The following ITPR1 variants were observed in gnomAD, a reference collection of about 807,000 sequenced individuals.
The protein encoded by ITPR1 is inositol 1,4,5-trisphosphate-gated calcium channel ITPR1.
In ITPR1, 96 loss-of-function variants were observed where a neutral mutation model predicts 318.4. That is an observed-to-expected ratio of 0.30 (90% confidence interval 0.26 to 0.36). The LOEUF is 0.36. Among genes scored for constraint, ITPR1 ranks in the 10% least tolerant of loss-of-function variants. The pLI is 1.00. For synonymous variants in ITPR1, 1,312 were observed against 1,289.9 expected, an observed-to-expected ratio of 1.02 and a Z score of -0.37; for missense variants, 2,440 against 3,460.2, an observed-to-expected ratio of 0.71 and a Z score of 7.40.
intron 5 of ITPR1, among the ~76,000 whole-genome samples, chr3:4,635,553 G>T (rs1208803831): frequency 3.3e-5 from 5 of 151,734 alleles, no homozygotes; most frequent in Non-Finnish European, 5.9e-5. Context: ...CCCTGTGTTA[G>T]CCAGGATGGT....
intron 57 of ITPR1, among the ~76,000 whole-genome samples, chr3:4,813,881 G>C (rs2049102083): frequency 6.6e-6 from 1 of 152,192 alleles, no homozygotes; most frequent in African/African-American, 2.4e-5. Flanking sequence ...GTTTTAGCAA[G>C]ACCCTCTGCA....
intron 44 of ITPR1, among the ~76,000 whole-genome samples, chr3:4,757,887 T>C (rs1395398158): frequency 6.6e-6 from 1 of 152,164 alleles, no homozygotes; most frequent in Non-Finnish European, 1.5e-5. Flanking sequence ...TGGTAGCCAC[T>C]GGCGTTGCTC....
chr3:4,744,025 G>A (rs1160000932), intron 44 of ITPR1, among the ~76,000 whole-genome samples: 2 of 152,084 alleles, frequency 1.3e-5, no homozygotes, highest in Non-Finnish European at 1.5e-5. Flanking sequence ...TAGTAGAGAC[G>A]GGGTTTCTAC....
chr3:4,586,898 G>C (rs1295737680), intron 4 of ITPR1, among the ~76,000 whole-genome samples: 1 of 151,918 alleles, frequency 6.6e-6, no homozygotes, highest in African/African-American at 2.4e-5. Context: ...TTACCTTATT[G>C]TGGTTTTCTC....
At chr3:4,836,471 A>C (rs1056608203) in intron 60 of ITPR1, among the ~76,000 whole-genome samples, 1 of 152,198 alleles carries the variant, frequency 6.6e-6, no homozygotes, top group African/African-American at 2.4e-5. Context: ...GTAATTTGCA[A>C]AGATCAGAGC....
chr3:4,806,851 GT>G (rs1052923206), intron 55 of ITPR1, among the ~76,000 whole-genome samples: 1 of 152,102 alleles, frequency 6.6e-6, no homozygotes, highest in Non-Finnish European at 1.5e-5. Context: ...TCCTGAGCAG[GT>G]TTTTAAATGA....
intron 60 of ITPR1, among the ~76,000 whole-genome samples, chr3:4,829,274 A>G (rs1231618451): frequency 6.6e-6 from 1 of 152,176 alleles, no homozygotes; most frequent in East Asian, 1.9e-4. Context: ...TGCTTTTTCT[A>G]CTGACACACT....
Position 4,806,177 on chromosome 3 carries a change from G to A in ITPR1, c.7182G>A (p.Met2394Ile), listed in dbSNP as rs2048540270. The A allele has an allele frequency of 6.2e-7, 1 of 1,613,886 alleles. No individual in the cohort carries two copies. Among genetic ancestry groups the A allele is most frequent in the African/African-American group, 1.3e-5 (1 of 75,052 alleles). Reference protein sequence around the residue: ...CGTFTRGYRAMVLDVEFLYHL... With the variant: ...CGTFTRGYRAIVLDVEFLYHL... ...CATTCACAAGAGGCTACCGAGCCAT[G>A]GTTCTGGATGTTGAGTTCCTCTATC... The change falls in exon 55 of 62, where the codon ATG becomes ATA. Residue 2394 changes from methionine (M) to isoleucine (I), a missense_variant. Transcript: ENST00000649015.
chr3:4,520,134 C>G (rs891032430), intron 3 of ITPR1, among the ~76,000 whole-genome samples: 140 of 152,204 alleles, frequency 9.2e-4, no homozygotes, highest in African/African-American at 3.2e-3. Flanking sequence ...TAGCTGGGAA[C>G]AACTGCAAGT....
chr3:4,753,688 G>A (rs1247196014), intron 44 of ITPR1, among the ~76,000 whole-genome samples: 2 of 152,158 alleles, frequency 1.3e-5, no homozygotes, highest in Non-Finnish European at 2.9e-5. Flanking sequence ...TGCCACCTAA[G>A]CCAGTGTCCT....
At chr3:4,793,312 G>T (rs192936479) in intron 52 of ITPR1, among the ~76,000 whole-genome samples, 1 of 152,352 alleles carries the variant, frequency 6.6e-6, no homozygotes, top group East Asian at 1.9e-4. Context: ...CCTCTGAAAC[G>T]AATGCTGGCT....
In ITPR1 at chr3:4,710,318, G is replaced by A. The variant is rs184969640; in HGVS notation, c.4843-7G>A. ...AGCCGTTGACTGAGGCTGTGTTTCCGTTTTAGGACATCGTCTCCGCGCTGG... is the reference window on the plus strand; with the variant it reads ...AGCCGTTGACTGAGGCTGTGTTTCCATTTTAGGACATCGTCTCCGCGCTGG... On this transcript the variant is annotated splice_polypyrimidine_tract_variant and splice_region_variant and intron_variant, in intron 37 of 61. Transcript: ENST00000649015. This position sits in a 1 kb window ranked among gnomAD's most constrained non-coding sequence, Gnocchi z 4.2. 7.3e-5 allele frequency: 112 copies of A among 1,544,126 alleles called. No individual in the cohort carries two copies. The highest frequency in any genetic ancestry group is 4.6e-4 in the African/African-American group (34 of 73,408).
At chr3:4,836,405 TTTATG>T (rs2050917045) in intron 60 of ITPR1, among the ~76,000 whole-genome samples, 1 of 152,144 alleles carries the variant, frequency 6.6e-6, no homozygotes, top group African/African-American at 2.4e-5. Flanking sequence ...AATGGTAAAT[TTTATG>T]TTATGCATAT....
At chr3:4,524,831 G>A (rs1401925953) in intron 4 of ITPR1, among the ~76,000 whole-genome samples, 1 of 152,154 alleles carries the variant, frequency 6.6e-6, no homozygotes, top group Non-Finnish European at 1.5e-5. Context: ...TCTTTGCTGT[G>A]TGACCCTGAA....
chr3:4,504,963 CTTT>C (rs34078002), intron 2 of ITPR1, among the ~76,000 whole-genome samples: 2 of 145,852 alleles, frequency 1.4e-5, no homozygotes, highest in Admixed American at 6.9e-5. Context: ...GGGCATACTC[CTTT>C]TTTTTTTTTT....
intron 2 of ITPR1, among the ~76,000 whole-genome samples, chr3:4,508,428 C>T (rs1307521930): frequency 7.1e-6 from 1 of 140,118 alleles, no homozygotes; most frequent in African/African-American, 2.7e-5. Flanking sequence ...CTTTTAAATT[C>T]GGAATTCTGT....
intron 40 of ITPR1, 132 bp downstream of exon 40, chr3:4,717,531 G>C (rs1402559016): frequency 3.9e-6 from 3 of 771,534 alleles, no homozygotes; most frequent in Non-Finnish European, 6.9e-6. Flanking sequence ...GTGCCCTCTG[G>C]GAGTGAGTGG....
At chr3:4,728,702 AT>A (rs2042698739) in intron 42 of ITPR1, among the ~76,000 whole-genome samples, 1 of 152,114 alleles carries the variant, frequency 6.6e-6, no homozygotes, top group Non-Finnish European at 1.5e-5. Context: ...TTTTGTAACT[AT>A]TTTTTTGGTA....
intron 43 of ITPR1, among the ~76,000 whole-genome samples, chr3:4,733,660 C>G (rs1360143144): frequency 6.6e-6 from 1 of 152,158 alleles, no homozygotes; most frequent in Non-Finnish European, 1.5e-5. Context: ...TCATTTTCTC[C>G]TCCCAGCTAC....
Sources: allele counts gnomAD v4.1 joint callset (sites outside exome capture counted in the v4.1 genomes callset), GRCh38; gene constraint gnomAD v4.1.1; non-coding constraint Gnocchi (gnomAD v3.1); transcripts MANE v1.5; gene names NCBI Gene and HGNC (gene_info 2026-07-23, HGNC 2026-07-21).